Variants in HAVCR2 observed in about 807,000 individuals in gnomAD.
HAVCR2 encodes the protein hepatitis A virus cellular receptor 2.
A neutral mutation model predicts 24.7 loss-of-function variants in HAVCR2; 13 were observed. The ratio of observed to expected loss-of-function variants is 0.53; its 90% CI spans 0.34 to 0.84. The LOEUF (loss-of-function observed/expected upper bound fraction) is 0.84, where lower values mean the gene tolerates loss of function less well. Among genes scored for constraint, HAVCR2 ranks in the 40% least tolerant of loss-of-function variants. The pLI, the probability that HAVCR2 is intolerant of heterozygous loss-of-function variation, is 0.01. For synonymous variants in HAVCR2, 154 were observed against 143.4 expected (o/e 1.07, Z -0.53); for missense variants, 343 against 371.2 (o/e 0.92, Z 0.62).
At chr5:157,096,884 A>T (rs1255840902) in intron 4 of HAVCR2, among the ~76,000 whole-genome samples, 1 of 151,848 alleles carries the variant, frequency 6.6e-6, no homozygotes, top group East Asian at 1.9e-4. Flanking sequence ...TGAGACCAGG[A>T]GTTAGGGACC....
chr5:157,108,839 C>T, intron 1 of HAVCR2, 87 bp downstream of exon 1: 4 of 1,314,856 alleles, frequency 3.0e-6, no homozygotes, highest in South Asian at 2.7e-5. Flanking sequence ...CTATTACAAA[C>T]AACATTACAA....
At chr5:157,105,087 G>A (rs931255187) in intron 2 of HAVCR2, among the ~76,000 whole-genome samples, 6 of 148,592 alleles carry the variant, frequency 4.0e-5, no homozygotes, top group South Asian at 2.1e-4. Flanking sequence ...TTTTTGAAAC[G>A]GAGTTTTGCT....
In HAVCR2 at chr5:157,090,122, C is replaced by CTTTTTTTTTTTTT. The variant is rs869177923; in HGVS notation, c.677-1158_677-1146dup. ...TTAAAATTTTCCTTTCTTTTCTTTT[C>CTTTTTTTTTTTTT]TTTTTTTTTTTTTTTTTTTTTTTTT... On this transcript the variant is annotated intron_variant, in intron 5 of 6. Transcript: ENST00000307851. Among the ~76,000 whole-genome samples, 27 of 65,580 alleles carry CTTTTTTTTTTTTT rather than the reference C, an allele frequency of 4.1e-4. 1 individual carries two copies. The highest frequency in any genetic ancestry group is 7.1e-4 in the African/African-American group (11 of 15,568). The allele number at this position is 65,580 out of a possible 152,430, so 43.0% of individuals were successfully genotyped here. A position where few individuals can be genotyped will look rare whatever the true frequency, so the allele number is the denominator to read the frequency against.
Position 157,098,909 on chromosome 5 carries a change from A to G in HAVCR2, c.479-8T>C, listed in dbSNP as rs1447998174. 1.9e-6 allele frequency: 3 copies of G among 1,566,756 alleles called. No homozygotes were observed. The highest frequency in any genetic ancestry group is 2.6e-6 in the Non-Finnish European group (3 of 1,148,442). ...CCAGTGTCTGTGTCTCTGCTATAAA[A>G]AGAGAGAGAGAGAGAGAGAGAGGAA... On this transcript the variant is annotated splice_polypyrimidine_tract_variant and splice_region_variant and intron_variant, in intron 3 of 6. Transcript: ENST00000307851.
intron 5 of HAVCR2, among the ~76,000 whole-genome samples, chr5:157,092,192 C>T (rs966795110): frequency 6.7e-6 from 1 of 149,982 alleles, no homozygotes; most frequent in South Asian, 2.1e-4. Flanking sequence ...ATAAAGTGGT[C>T]TCTAATATAT....
intron 3 of HAVCR2, among the ~76,000 whole-genome samples, chr5:157,099,596 C>G (rs1484466857): frequency 1.3e-5 from 2 of 150,732 alleles, no homozygotes; most frequent in Non-Finnish European, 3.0e-5. Context: ...AACAAAAATT[C>G]ATTTCCTTCT....
chr5:157,091,310 C>A (rs1180940218), intron 5 of HAVCR2, among the ~76,000 whole-genome samples: 1 of 151,920 alleles, frequency 6.6e-6, no homozygotes, highest in African/African-American at 2.4e-5. Flanking sequence ...CCAGGCATGG[C>A]GGCACATGCA....
chr5:157,087,209 TG>T lies in HAVCR2; in HGVS notation c.798del (p.Ile267LeufsTer58). The T allele has an allele frequency of 1.9e-6, 3 of 1,614,010 alleles. No homozygotes were observed. Among genetic ancestry groups the T allele is most frequent in the Non-Finnish European group, 2.5e-6 (3 of 1,179,988 alleles). On this transcript the variant is annotated frameshift_variant, in exon 7 of 7. Coordinates refer to ENST00000307851, the MANE Select transcript of HAVCR2 (RefSeq NM_032782.5). LOFTEE classifies it low-confidence loss of function (END_TRUNC). ...TCCACTTCATATACGTTCTCTTCAA[TG>T]GTATAGATGTTTTCTTCTGAGCGAA... ...EGIRSEENIY[T>X]IEENVYEVEE...
rs543275498 is a variant in HAVCR2, at chr5:157,088,621, C to T, written c.713+320G>A. On this transcript the variant is annotated intron_variant, in intron 6 of 6. Transcript: ENST00000307851. ...TGTAACGCCTAAGTGCAGCCCAGACCCTGGATATAATAGGAGCTCAATCCG... is the reference window on the plus strand; with the variant it reads ...TGTAACGCCTAAGTGCAGCCCAGACTCTGGATATAATAGGAGCTCAATCCG... 5.9e-5 allele frequency among the ~76,000 whole-genome samples: 9 copies of T among 152,182 alleles called. No individual in the cohort carries two copies. The South Asian group carries it at 1.7e-3, about 28-fold the overall frequency.
chr5:157,106,799 A>G lies in HAVCR2; in HGVS notation c.222T>C (p.Asp74=), dbSNP rs372130478. The change falls in exon 2 of 7, where the codon GAT becomes GAC. Residue 74 remains aspartate, a synonymous_variant. Coordinates refer to ENST00000307851, the MANE Select transcript of HAVCR2 (RefSeq NM_032782.5). The part of the protein sequence containing the change: ...GNVVLRTDER[D]VNYWTSRYWL... ...AGTATCTGGATGTCCAATAATTCACATCCCTTTCATCAGTCCTGAGCACCA... is the reference window on the plus strand; with the variant it reads ...AGTATCTGGATGTCCAATAATTCACGTCCCTTTCATCAGTCCTGAGCACCA... The G allele has an allele frequency of 6.2e-7, 1 of 1,614,158 alleles. No individual in the cohort carries two copies. The highest frequency in any genetic ancestry group is 8.5e-7 in the Non-Finnish European group (1 of 1,180,030).
chr5:157,106,586 T>A, intron 2 of HAVCR2, 41 bp downstream of exon 2: 6 of 1,503,154 alleles, frequency 4.0e-6, no homozygotes, highest in Non-Finnish European at 5.5e-6. Context: ...GATCCACAGA[T>A]AAATCTTATT....
chr5:157,096,927 A>AACACACACACACAC (rs34799337), intron 4 of HAVCR2, among the ~76,000 whole-genome samples: 1 of 142,866 alleles, frequency 7.0e-6, no homozygotes, highest in Non-Finnish European at 1.5e-5. Context: ...ATTTATACAA[A>AACACACACACACAC]ACACACACAC....
intron 3 of HAVCR2, among the ~76,000 whole-genome samples, chr5:157,104,463 G>C (rs1757217885): frequency 1.3e-5 from 2 of 152,196 alleles, no homozygotes; most frequent in Admixed American, 1.3e-4. Flanking sequence ...TAAAATTTAA[G>C]TAAAATAATC....
In HAVCR2 at chr5:157,102,934, C is replaced by CAAAA. The variant is rs34491013; in HGVS notation, c.478+1728_478+1731dup. Among the ~76,000 whole-genome samples the CAAAA allele has an allele frequency of 5.9e-3, 709 of 119,302 alleles. 15 individuals carry two copies. Among genetic ancestry groups the CAAAA allele is most frequent in the African/African-American group, 0.019 (600 of 31,180 alleles). The allele number at this position is 119,302 out of a possible 152,430, so 78.3% of individuals were successfully genotyped here. A position where few individuals can be genotyped will look rare whatever the true frequency, so the allele number is the denominator to read the frequency against. On this transcript the variant is annotated intron_variant, in intron 3 of 6. Coordinates refer to ENST00000307851, the MANE Select transcript of HAVCR2 (RefSeq NM_032782.5). ...TGGGTGAGAGAGTGAGACTCCGTCT[C>CAAAA]AAAAAAAAAAAAAAAGGAAAGAAAA...
Position 157,106,701 on chromosome 5 carries a change from A to G in HAVCR2, c.320T>C (p.Ile107Thr), listed in dbSNP as rs754313394. ...IENVTLADSGIYCCRIQIPGI... is the reference protein window; with the variant it reads ...IENVTLADSGTYCCRIQIPGI... Reference sequence around the variant, plus strand: ...TGGGATTTGGATCCGGCAGCAGTAGATCCCACTGTCTGCTAGAGTCACATT... The same window carrying G: ...TGGGATTTGGATCCGGCAGCAGTAGGTCCCACTGTCTGCTAGAGTCACATT... The change falls in exon 2 of 7, where the codon ATC becomes ACC. Residue 107 changes from isoleucine (I) to threonine (T), a missense_variant. Transcript: ENST00000307851. The G allele has an allele frequency of 5.0e-6, 8 of 1,614,222 alleles. No homozygotes were observed. In the Admixed American group the frequency reaches 8.3e-5, roughly 17 times the overall value.
In HAVCR2 at chr5:157,098,855, T is replaced by C. The variant is rs2113690710; in HGVS notation, c.522+3A>G. 1 of 1,612,360 alleles carries C rather than the reference T, an allele frequency of 6.2e-7. No individual in the cohort carries two copies. The highest frequency in any genetic ancestry group is 8.5e-7 in the Non-Finnish European group (1 of 1,178,870). On this transcript the variant is annotated splice_donor_region_variant and intron_variant, in intron 4 of 6. Coordinates refer to ENST00000307851, the MANE Select transcript of HAVCR2 (RefSeq NM_032782.5). ...AACATAGCTCACAAAAAAAGTTACT[T>C]ACTGTTAGATTTATATCAGGGAGGC... is the stretch of plus-strand genomic sequence containing the variant.
In HAVCR2 at chr5:157,086,765, GA is replaced by G. The variant is rs1182457251; in HGVS notation, c.*336del. On this transcript the variant is annotated 3_prime_UTR_variant, in exon 7 of 7. Transcript: ENST00000307851. ...GCACCCAGTTTTCCCTAGTTTATCT[GA>G]AGTTTCATGGACATATGATGTGCCC... 9.5e-6 allele frequency: 2 copies of G among 209,984 alleles called. No individual in the cohort carries two copies. Among genetic ancestry groups the G allele is most frequent in the African/African-American group, 4.6e-5 (2 of 43,184 alleles). 13.0% of individuals were successfully genotyped at this position (209,984 alleles called of 1,614,324 possible). A position where few individuals can be genotyped will look rare whatever the true frequency, so the allele number is the denominator to read the frequency against.
At chr5:157,102,451 T>C (rs1354319059) in intron 3 of HAVCR2, among the ~76,000 whole-genome samples, 1 of 152,218 alleles carries the variant, frequency 6.6e-6, no homozygotes, top group Admixed American at 6.5e-5. Context: ...ATGTTACATA[T>C]TATAGACAAA....
chr5:157,100,873 A>T (rs1397557078), intron 3 of HAVCR2, among the ~76,000 whole-genome samples: 1 of 152,176 alleles, frequency 6.6e-6, no homozygotes, highest in East Asian at 1.9e-4. Context: ...GAGGGCAGGC[A>T]GATCACGAGG....
Sources: gnomAD v4.1 joint callset for allele counts (sites outside exome capture counted in the v4.1 genomes callset) on GRCh38, gnomAD v4.1.1 for gene constraint, MANE v1.5 for transcripts, NCBI Gene and HGNC (gene_info 2026-07-23, HGNC 2026-07-21) for gene names.